The following ADSS1 variants were observed in gnomAD, a reference collection of about 807,000 sequenced individuals.
The protein encoded by ADSS1 is adenylosuccinate synthase 1.
A neutral mutation model predicts 59.1 loss-of-function variants in ADSS1; 57 were observed. The observed-to-expected ratio is 0.97, with a 90% CI of 0.78 to 1.20. The LOEUF is 1.20. Among genes scored for constraint, ADSS1 ranks in the 50% most tolerant of loss-of-function variants. The pLI is 0.00. For missense variants in ADSS1, 603 were observed against 610.3 expected (o/e 0.99, Z 0.13); for synonymous variants, 247 against 249.4 (o/e 0.99, Z 0.09).
intron 2 of ADSS1, 143 bp from the exon 3 acceptor site, chr14:104,738,233 A>G (rs1199683253): frequency 2.8e-6 from 2 of 721,092 alleles, no homozygotes; most frequent in Non-Finnish European, 4.6e-6. Context: ...CCTGACCTCA[A>G]GTGATCCTCC....
In ADSS1 at chr14:104,735,058, G is replaced by A. The variant is rs2140779193; in HGVS notation, c.231G>A (p.Gly77=). ...CCGGCCACACGGTGGTGGTGGATGG[G>A]AAAGAGTACGACTTCCACCTGCTGC... ...NNAGHTVVVD[G]KEYDFHLLPS... Residue 77 remains glycine (G), a synonymous_variant, in exon 2 of 13, where the codon GGG becomes GGA. Transcript: ENST00000330877. 1.2e-6 allele frequency: 2 copies of A among 1,613,682 alleles called. No homozygotes were observed. The highest frequency in any genetic ancestry group is 1.7e-6 in the Non-Finnish European group (2 of 1,179,788).
chr14:104,727,741 G>T (rs924623471), intron 1 of ADSS1, among the ~76,000 whole-genome samples: 5 of 152,196 alleles, frequency 3.3e-5, no homozygotes, highest in African/African-American at 1.2e-4. Flanking sequence ...TTCCCAGGCT[G>T]GCAGTGCCCG....
intron 1 of ADSS1, among the ~76,000 whole-genome samples, chr14:104,731,535 AGTG>A (rs1466282149): frequency 6.6e-6 from 1 of 152,138 alleles, no homozygotes; most frequent in Admixed American, 6.5e-5. Context: ...GAGGACCCTG[AGTG>A]GTGGCTGAAG....
At position 104,746,763 on chromosome 14, in the gene ADSS1, C is replaced by T. The variant is rs368363161; in HGVS notation, c.1322-188C>T. On this transcript the variant is annotated intron_variant, in intron 12 of 12. Coordinates refer to ENST00000330877, the MANE Select transcript of ADSS1 (RefSeq NM_152328.5). ...AAGAAGGGAGGAGACTCCTGTTTTC[C>T]GCTGCGGGAGGATCAGTCCCCCAAC... Among the ~76,000 whole-genome samples the T allele has an allele frequency of 5.3e-5, 8 of 152,218 alleles. 1 individual carries two copies. Among genetic ancestry groups the T allele is most frequent in the Admixed American group, 1.3e-4 (2 of 15,290 alleles).
intron 11 of ADSS1, 153 bp from the exon 12 acceptor site, chr14:104,746,083 T>TGGGC (rs1891544436): frequency 2.1e-6 from 2 of 959,736 alleles, no homozygotes; most frequent in African/African-American, 1.7e-5. Flanking sequence ...ACTGAGAAAA[T>TGGGC]CAAACTGGGC....
intron 1 of ADSS1, among the ~76,000 whole-genome samples, chr14:104,728,700 C>T (rs1890790942): frequency 6.6e-6 from 1 of 152,202 alleles, no homozygotes; most frequent in African/African-American, 2.4e-5. Flanking sequence ...GCCTCACGGC[C>T]TCTGAAAAGC....
chr14:104,738,332 T>C (rs761583294), intron 2 of ADSS1, 44 bp from the exon 3 acceptor site: 22 of 1,604,954 alleles, frequency 1.4e-5, no homozygotes, highest in Non-Finnish European at 1.9e-5. Flanking sequence ...TTTTCCAGTG[T>C]CTGGGACACA....
rs1248711092 is a variant in ADSS1 at position 104,740,214 on chromosome 14, G to A, written c.477-387G>A. Among the ~76,000 whole-genome samples, 2 of 152,072 alleles carry A rather than the reference G, an allele frequency of 1.3e-5. No individual in the cohort carries two copies. The highest frequency in any genetic ancestry group is 4.8e-5 in the African/African-American group (2 of 41,390). ...CAGATGAGTGTCCTGCCTCAGAGAG[G>A]TGATGGTCACACACTTACCCACTCA... On this transcript the variant is annotated intron_variant, in intron 5 of 12. Coordinates refer to ENST00000330877, the MANE Select transcript of ADSS1 (RefSeq NM_152328.5). The surrounding 1 kb of genome is among the most constrained non-coding windows in gnomAD (Gnocchi z 4.8).
In ADSS1 at chr14:104,735,060, A is replaced by G. The variant is rs1249977250; in HGVS notation, c.233A>G (p.Lys78Arg). 6 of 1,613,550 alleles carry G rather than the reference A, an allele frequency of 3.7e-6. No homozygotes were observed. In the East Asian group the frequency reaches 1.1e-4, roughly 30 times the overall value. Residue 78 changes from lysine (K) to arginine (R), a missense_variant, in exon 2 of 13, where the codon AAA becomes AGA. By Grantham distance (26) the Lys-to-Arg change is conservative. Coordinates refer to ENST00000330877, the MANE Select transcript of ADSS1 (RefSeq NM_152328.5). ...GGCCACACGGTGGTGGTGGATGGGAAAGAGTACGACTTCCACCTGCTGCCC... is the reference window on the plus strand; with the variant it reads ...GGCCACACGGTGGTGGTGGATGGGAGAGAGTACGACTTCCACCTGCTGCCC... ...NAGHTVVVDG[K>R]EYDFHLLPSG...
intron 1 of ADSS1, among the ~76,000 whole-genome samples, chr14:104,727,100 C>T (rs1038850569): frequency 2.0e-5 from 3 of 152,182 alleles, no homozygotes; most frequent in African/African-American, 7.2e-5. Flanking sequence ...ACTTTCCACT[C>T]TGCCCAGAGG....
chr14:104,744,602 G>A, intron 10 of ADSS1: 1 of 574,472 alleles, frequency 1.7e-6, no homozygotes, highest in South Asian at 2.1e-5. Flanking sequence ...AATGACAGGA[G>A]GTGGAGCTCA....
At chr14:104,736,900 A>ATATATATATATATATATATATG (rs1566798268) in intron 2 of ADSS1, among the ~76,000 whole-genome samples, 2 of 87,696 alleles carry the variant, frequency 2.3e-5, no homozygotes, top group African/African-American at 3.7e-5. Flanking sequence ...ATATATATAT[A>ATATATATATATATATATATATG]TATATATATA....
intron 1 of ADSS1, among the ~76,000 whole-genome samples, chr14:104,726,053 G>C (rs1219438823): frequency 6.6e-6 from 1 of 152,174 alleles, no homozygotes. Context: ...CAGCAGGCTG[G>C]AGCCCATCCC....
chr14:104,732,593 G>GC (rs987333723), intron 1 of ADSS1, among the ~76,000 whole-genome samples: 1 of 152,228 alleles, frequency 6.6e-6, no homozygotes, highest in African/African-American at 2.4e-5. Context: ...GCCTGTGTTT[G>GC]CCCCCAACAG....
In ADSS1 at chr14:104,724,373, G is replaced by A. The variant is rs1312125059; in HGVS notation, c.103G>A (p.Val35Met). 1.8e-5 allele frequency: 22 copies of A among 1,253,640 alleles called. No homozygotes were observed. Among genetic ancestry groups the A allele is most frequent in the Admixed American group, 4.0e-5 (1 of 24,772 alleles). The allele number at this position is 1,253,640 out of a possible 1,614,324, so 77.7% of individuals were successfully genotyped here. A position where few individuals can be genotyped will look rare whatever the true frequency, so the allele number is the denominator to read the frequency against. ...EAAATGSRVTVVLGAQWGDEG... is the reference protein window; with the variant it reads ...EAAATGSRVTMVLGAQWGDEG... The stretch of plus-strand genomic sequence containing the variant: ...GGCGGCGACCGGCTCCCGCGTGACG[G>A]TGGTGCTGGGCGCGCAGTGGGGGGA... Residue 35 changes from valine to methionine, a missense_variant, in exon 1 of 13, where the codon GTG becomes ATG. Transcript: ENST00000330877.
chr14:104,730,813 C>T (rs1256970788), intron 1 of ADSS1, among the ~76,000 whole-genome samples: 1 of 152,006 alleles, frequency 6.6e-6, no homozygotes, highest in Non-Finnish European at 1.5e-5. Context: ...AGGGACAAAG[C>T]AGGGGTCAGA....
At chr14:104,745,094 C>T (rs1440242549) in intron 11 of ADSS1, 185 bp downstream of exon 11, 8 of 570,550 alleles carry the variant, frequency 1.4e-5, no homozygotes, top group Non-Finnish European at 1.9e-5. Context: ...CCACAGCGTT[C>T]CCCAGGAGGC....
Position 104,740,687 on chromosome 14 carries a change from A to AG in ADSS1, c.563_564insG (p.Asp188GlufsTer3). ...CTCCGCATCTGCGACCTCCTGTCAG[A>AG]TTTTGATGAGTTTTCCTCCAGGTAC... is the stretch of plus-strand genomic sequence containing the variant. On this transcript the variant is annotated frameshift_variant, in exon 6 of 13. Coordinates refer to ENST00000330877, the MANE Select transcript of ADSS1 (RefSeq NM_152328.5). LOFTEE classifies it high-confidence loss of function. The surrounding 1 kb of genome is among the most constrained non-coding windows in gnomAD (Gnocchi z 4.8). The AG allele has an allele frequency of 6.2e-7, 1 of 1,613,820 alleles. No individual in the cohort carries two copies. The highest frequency in any genetic ancestry group is 1.3e-5 in the African/African-American group (1 of 74,904).
intron 1 of ADSS1, among the ~76,000 whole-genome samples, chr14:104,731,317 A>G (rs538752965): frequency 1.3e-5 from 2 of 152,318 alleles, no homozygotes; most frequent in East Asian, 3.9e-4. Context: ...TCTAGGCGCC[A>G]TCATTCATGC....
Sources: gnomAD v4.1 joint callset for allele counts (sites outside exome capture counted in the v4.1 genomes callset) on GRCh38, gnomAD v4.1.1 for gene constraint, Gnocchi (gnomAD v3.1) non-coding constraint, MANE v1.5 for transcripts, NCBI Gene and HGNC (gene_info 2026-07-23, HGNC 2026-07-21) for gene names.